The following HSDL2 variants were observed in gnomAD, a reference collection of about 807,000 sequenced individuals.
HSDL2 encodes the protein hydroxysteroid dehydrogenase-like protein 2.
A neutral mutation model predicts 46.3 loss-of-function variants in HSDL2; 27 were observed. That is an observed-to-expected ratio of 0.58 (90% CI 0.43 to 0.80). The LOEUF (loss-of-function observed/expected upper bound fraction) is 0.80, where lower values mean the gene tolerates loss of function less well. Among genes scored for constraint, HSDL2 ranks in the 30% least tolerant of loss-of-function variants. The pLI is 0.00. For missense variants in HSDL2, 451 were observed against 502.7 expected, an observed-to-expected ratio of 0.90 and a Z score of 0.98; for synonymous variants, 153 against 163.6, an observed-to-expected ratio of 0.94 and a Z score of 0.50.
Position 112,441,661 on chromosome 9 carries a change from A to AACT in HSDL2, c.794-38_794-37insACT, listed in dbSNP as rs776084347. ...AGATGTTAAAATCTTACTATGTTGT[A>AACT]GTTACATTAACCTAATGGTTTGGGG... On this transcript the variant is annotated intron_variant, in intron 7 of 10. Coordinates refer to ENST00000398805, the MANE Select transcript of HSDL2 (RefSeq NM_032303.5). The AACT allele has an allele frequency of 7.7e-5, 100 of 1,304,098 alleles. No homozygotes were observed. The African/African-American group carries it at 1.1e-3, about 15-fold the overall frequency. The allele number at this position is 1,304,098 out of a possible 1,614,324, so 80.8% of individuals were successfully genotyped here. A position where few individuals can be genotyped will look rare whatever the true frequency, so the allele number is the denominator to read the frequency against.
intron 1 of HSDL2, among the ~76,000 whole-genome samples, chr9:112,396,480 C>T (rs186048866): frequency 1.3e-5 from 2 of 152,272 alleles, no homozygotes; most frequent in African/African-American, 4.8e-5. Flanking sequence ...CATCCCAGGG[C>T]CCCGTGTCTT....
chr9:112,462,438 G>C (rs1170812739), intron 10 of HSDL2, among the ~76,000 whole-genome samples: 1 of 144,378 alleles, frequency 6.9e-6, no homozygotes, highest in Non-Finnish European at 1.5e-5. Flanking sequence ...ACTCCAGCCT[G>C]GGTGACTGAC....
In HSDL2 at chr9:112,404,085, T is replaced by C. The variant is rs1364155853; in HGVS notation, c.108T>C (p.Asn36=). 1.2e-5 allele frequency: 20 copies of C among 1,613,998 alleles called. No individual in the cohort carries two copies. The East Asian group carries it at 4.5e-4, about 36-fold the overall frequency. Residue 36 remains asparagine, a synonymous_variant, in exon 2 of 11, where the codon AAT becomes AAC. Transcript: ENST00000398805. ...TGAAAGCAGCAAAGGATGGAGCAAA[T>C]ATTGTTATTGCTGCAAAGACCGCCC... ...IALKAAKDGA[N]IVIAAKTAQP...
Position 112,409,698 on chromosome 9 carries a change from A to G in HSDL2, c.395+677A>G, listed in dbSNP as rs184646474. ...AAAAAGTTTTTAAAATCAGGCAGGC[A>G]TAGTGGTTTGTGTGCTACTGAGACT... On this transcript the variant is annotated intron_variant, in intron 4 of 10. Transcript: ENST00000398805. 5.2e-3 allele frequency among the ~76,000 whole-genome samples: 795 copies of G among 152,172 alleles called. 11 individuals carry two copies. Among genetic ancestry groups the G allele is most frequent in the African/African-American group, 0.018 (751 of 41,522 alleles).
chr9:112,404,634 C>A (rs1018879744), intron 2 of HSDL2, among the ~76,000 whole-genome samples: 5 of 152,150 alleles, frequency 3.3e-5, no homozygotes, highest in African/African-American at 7.2e-5. Context: ...TGGTGAGTGG[C>A]ATGAACTCTT....
chr9:112,404,202 T>A (rs771220064), intron 2 of HSDL2, 44 bp downstream of exon 2: 1 of 1,574,042 alleles, frequency 6.4e-7, no homozygotes, highest in Non-Finnish European at 8.7e-7. Flanking sequence ...TTCTAGTGGT[T>A]TCAATACATA....
At chr9:112,466,422 A>G (rs1280949838) in intron 10 of HSDL2, among the ~76,000 whole-genome samples, 3 of 151,984 alleles carry the variant, frequency 2.0e-5, no homozygotes. Flanking sequence ...GCATGGTGGC[A>G]GGTGCATGTA....
At chr9:112,390,774 TAA>T (rs1345676417) in intron 1 of HSDL2, among the ~76,000 whole-genome samples, 1 of 151,990 alleles carries the variant, frequency 6.6e-6, no homozygotes, top group Non-Finnish European at 1.5e-5. Context: ...CTTTAAAGGG[TAA>T]ACCATAAAAC....
At chr9:112,447,907 A>G (rs1178286010) in intron 8 of HSDL2, among the ~76,000 whole-genome samples, 1 of 152,196 alleles carries the variant, frequency 6.6e-6, no homozygotes, top group South Asian at 2.1e-4. Context: ...GGTCACCATC[A>G]TGAGTTTTTT....
At chr9:112,401,136 T>G (rs1831581647) in intron 1 of HSDL2, among the ~76,000 whole-genome samples, 1 of 152,086 alleles carries the variant, frequency 6.6e-6, no homozygotes, top group South Asian at 2.1e-4. Context: ...AGGAAGTTAT[T>G]TTAGATGTCT....
At chr9:112,460,536 C>T (rs10739354) in intron 10 of HSDL2, among the ~76,000 whole-genome samples, 145,495 of 152,314 alleles carry the variant, frequency 0.96, 69,554 homozygotes, top group African/African-American at 0.98. Flanking sequence ...ATCACTTGCG[C>T]CCAGGAGTTT....
At chr9:112,397,197 A>C (rs1049287013) in intron 1 of HSDL2, among the ~76,000 whole-genome samples, 1 of 152,174 alleles carries the variant, frequency 6.6e-6, no homozygotes, top group African/African-American at 2.4e-5. Context: ...GAAAAGAATC[A>C]GTCGAGCCGG....
Position 112,454,286 on chromosome 9 carries a change from G to T in HSDL2, c.1015+124G>T, listed in dbSNP as rs1317765917. The T allele has an allele frequency of 5.8e-6, 4 of 686,310 alleles. No individual in the cohort carries two copies. In the African/African-American group the frequency reaches 7.3e-5, roughly 13 times the overall value. 42.5% of individuals were successfully genotyped at this position (686,310 alleles called of 1,614,324 possible). ...GGCTGCATTCAAGACCCTTACTCTT[G>T]AATGTAGACATTCAAGAACAGCAAC... On this transcript the variant is annotated intron_variant, in intron 9 of 10. Coordinates refer to ENST00000398805, the MANE Select transcript of HSDL2 (RefSeq NM_032303.5).
chr9:112,391,766 G>A (rs112409613), intron 1 of HSDL2, among the ~76,000 whole-genome samples: 1 of 151,658 alleles, frequency 6.6e-6, no homozygotes, highest in Non-Finnish European at 1.5e-5. Context: ...TCAGCTGGGT[G>A]TAGTGGCACA....
chr9:112,386,773 A>G (rs1181322182), intron 1 of HSDL2, among the ~76,000 whole-genome samples: 2 of 152,110 alleles, frequency 1.3e-5, no homozygotes, highest in Non-Finnish European at 2.9e-5. Flanking sequence ...ACAAAGGGAG[A>G]CTCTCTCAAA....
At chr9:112,450,263 C>CCGCT (rs1554714613) in intron 8 of HSDL2, among the ~76,000 whole-genome samples, 6 of 140,406 alleles carry the variant, frequency 4.3e-5, no homozygotes, top group African/African-American at 1.3e-4. Context: ...GACCCCCCCC[C>CCGCT]CATCTCTACC....
At chr9:112,402,210 C>A (rs1243622607) in intron 1 of HSDL2, among the ~76,000 whole-genome samples, 1 of 151,948 alleles carries the variant, frequency 6.6e-6, no homozygotes, top group African/African-American at 2.4e-5. Context: ...TTATTTTATT[C>A]TTTTAGTTTT....
intron 1 of HSDL2, among the ~76,000 whole-genome samples, chr9:112,401,725 G>A (rs1165718802): frequency 6.6e-6 from 1 of 152,028 alleles, no homozygotes; most frequent in Non-Finnish European, 1.5e-5. Flanking sequence ...GGGTGGGGGA[G>A]GGAAGGAGGA....
Position 112,458,936 on chromosome 9 carries a change from G to A in HSDL2, c.1016-513G>A, listed in dbSNP as rs112036656. ...GCGGAGCTTGCAGTGAGCCGAGATC[G>A]CGCCACTGCACTCCAGCCTGGGCGA... On this transcript the variant is annotated intron_variant, in intron 9 of 10. Transcript: ENST00000398805. Among the ~76,000 whole-genome samples the A allele has an allele frequency of 3.3e-3, 497 of 151,796 alleles. 5 individuals are homozygous for A. The highest frequency in any genetic ancestry group is 0.011 in the African/African-American group (465 of 41,408).
Sources: gnomAD v4.1 joint callset for allele counts (sites outside exome capture counted in the v4.1 genomes callset) on GRCh38, gnomAD v4.1.1 for gene constraint, MANE v1.5 for transcripts, NCBI Gene and HGNC (gene_info 2026-07-23, HGNC 2026-07-21) for gene names.